The following FRY variants were observed in gnomAD, a reference collection of about 807,000 sequenced individuals.
FRY encodes protein furry homolog.
FRY carries 128 observed loss-of-function variants against 348.4 expected under a neutral mutation model. The observed-to-expected ratio is 0.37, with a 90% CI of 0.32 to 0.43. FRY has a LOEUF of 0.43. FRY is among the 20% of genes least tolerant of loss of function. The pLI, the probability that FRY is intolerant of heterozygous loss-of-function variation, is 1.00. For synonymous variants in FRY, 1,370 were observed against 1,374.7 expected (o/e 1.00, Z 0.08); for missense variants, 2,736 against 3,695.2 (o/e 0.74, Z 6.73).
intron 2 of FRY, among the ~76,000 whole-genome samples, chr13:32,088,684 C>A (rs964586973): frequency 1.4e-5 from 2 of 146,610 alleles, no homozygotes; most frequent in Admixed American, 6.9e-5. Context: ...TTTGATTGAA[C>A]CTTATAGCAA....
At chr13:32,052,695 A>C (rs1873400211) in intron 1 of FRY, among the ~76,000 whole-genome samples, 1 of 152,240 alleles carries the variant, frequency 6.6e-6, no homozygotes, top group Non-Finnish European at 1.5e-5. Flanking sequence ...TATTTAATAA[A>C]ATTTACAGTT....
intron 4 of FRY, among the ~76,000 whole-genome samples, chr13:32,118,097 A>G (rs565912806): frequency 5.3e-5 from 8 of 152,306 alleles, no homozygotes; most frequent in African/African-American, 1.9e-4. Flanking sequence ...CTCCAGGAGC[A>G]TATCAGCATC....
At chr13:32,042,207 A>G (rs565654665) in intron 1 of FRY, among the ~76,000 whole-genome samples, 3 of 152,272 alleles carry the variant, frequency 2.0e-5, no homozygotes, top group African/African-American at 7.2e-5. Flanking sequence ...AGGAGGGAAG[A>G]AAGGAAAAGA....
At chr13:32,186,232 T>C (rs765542352) in intron 26 of FRY, 28 bp from the exon 27 acceptor site, 2 of 1,575,806 alleles carry the variant, frequency 1.3e-6, no homozygotes, top group South Asian at 1.1e-5. Context: ...TCCAGTCTTA[T>C]AACCTCTAAG....
chr13:32,285,240 C>T (rs1388550197), intron 58 of FRY, among the ~76,000 whole-genome samples: 1 of 152,074 alleles, frequency 6.6e-6, no homozygotes. Flanking sequence ...AACATTAGAA[C>T]GGGACGGTGG....
chr13:32,220,998 T>G (rs1277577175), intron 36 of FRY, among the ~76,000 whole-genome samples: 1 of 152,202 alleles, frequency 6.6e-6, no homozygotes, highest in East Asian at 1.9e-4. Context: ...TGGCCAAGCT[T>G]CATGGCATAG....
At chr13:32,172,220 G>A (rs1882131544) in intron 18 of FRY, among the ~76,000 whole-genome samples, 1 of 152,100 alleles carries the variant, frequency 6.6e-6, no homozygotes, top group South Asian at 2.1e-4. Flanking sequence ...ATGTAAATGT[G>A]GATGTGATAG....
chr13:32,161,464 T>C (rs138169741), intron 17 of FRY, among the ~76,000 whole-genome samples: 8 of 152,222 alleles, frequency 5.3e-5, no homozygotes, highest in Non-Finnish European at 7.3e-5. Context: ...GTAAGGTCGC[T>C]AACAACCCAA....
rs920763704 is a variant in FRY, at chr13:32,185,177, A to G, written c.3319+29A>G. 3.1e-6 allele frequency: 5 copies of G among 1,603,844 alleles called. No individual in the cohort carries two copies. The Admixed American group carries it at 5.0e-5, about 16-fold the overall frequency. On this transcript the variant is annotated intron_variant, in intron 26 of 60. Coordinates refer to ENST00000542859, the MANE Select transcript of FRY (RefSeq NM_023037.3). ...CGGTGATCCGTTACAAGAAATTACC[A>G]TTCATGCTTGGAAGCCCATTCGTGT...
At chr13:32,166,451 C>T (rs1881743378) in intron 17 of FRY, among the ~76,000 whole-genome samples, 1 of 152,184 alleles carries the variant, frequency 6.6e-6, no homozygotes, top group African/African-American at 2.4e-5. Flanking sequence ...ATCTGTAGGC[C>T]AGCTCTACGC....
At chr13:32,118,870 C>T (rs934626205) in intron 4 of FRY, among the ~76,000 whole-genome samples, 6 of 151,948 alleles carry the variant, frequency 3.9e-5, no homozygotes, top group Non-Finnish European at 7.4e-5. Context: ...TTATTTTTTC[C>T]ATATTACATG....
At chr13:32,176,484 A>C (rs1022221174) in intron 20 of FRY, among the ~76,000 whole-genome samples, 4 of 152,206 alleles carry the variant, frequency 2.6e-5, no homozygotes, top group African/African-American at 9.7e-5. Context: ...GATTGAAAAC[A>C]GATTCCTATT....
chr13:32,236,347 AACAC>A (rs10617897), intron 43 of FRY, among the ~76,000 whole-genome samples, 175 bp downstream of exon 43: 74,701 of 151,090 alleles, frequency 0.49, 19,627 homozygotes, highest in African/African-American at 0.69. Flanking sequence ...AATACACACA[AACAC>A]ACACACACAC....
At chr13:32,278,404 A>G (rs1888644323) in intron 57 of FRY, 61 bp from the exon 58 acceptor site, 1 of 887,984 alleles carries the variant, frequency 1.1e-6, no homozygotes, top group East Asian at 2.4e-5. Context: ...ATGGAATTAT[A>G]CCAAAAATGT....
At chr13:32,170,445 T>C (rs1004882313) in intron 17 of FRY, among the ~76,000 whole-genome samples, 1 of 152,348 alleles carries the variant, frequency 6.6e-6, no homozygotes, top group Non-Finnish European at 1.5e-5. Context: ...GATGTTAACA[T>C]TAGGGGAGGC....
At chr13:32,100,658 A>G (rs1877095349) in intron 2 of FRY, among the ~76,000 whole-genome samples, 1 of 152,228 alleles carries the variant, frequency 6.6e-6, no homozygotes, top group Non-Finnish European at 1.5e-5. Flanking sequence ...GTTTTCAAGT[A>G]TACAATGTAT....
In FRY at chr13:32,198,205, T is replaced by C. The variant is rs1883796378; in HGVS notation, c.3747-3736T>C. Among the ~76,000 whole-genome samples, 3 of 152,238 alleles carry C rather than the reference T, an allele frequency of 2.0e-5. No homozygotes were observed. In the South Asian group the frequency reaches 6.2e-4, roughly 31 times the overall value. Reference sequence around the variant, plus strand: ...GATTACAAGGTCAAGTGCATGGCCCTGCCTAGTAAGAGGGAGGCTTTGTCT... The same window carrying C: ...GATTACAAGGTCAAGTGCATGGCCCCGCCTAGTAAGAGGGAGGCTTTGTCT... On this transcript the variant is annotated intron_variant, in intron 29 of 60. Coordinates refer to ENST00000542859, the MANE Select transcript of FRY (RefSeq NM_023037.3).
chr13:32,078,794 AT>A (rs774033624), intron 1 of FRY, 39 bp from the exon 2 acceptor site: 380 of 1,412,410 alleles, frequency 2.7e-4, no homozygotes, highest in Non-Finnish European at 3.4e-4. Context: ...TATTTATGAC[AT>A]TATTATCAGC....
At chr13:32,256,089 G>T (rs999846966) in intron 51 of FRY, among the ~76,000 whole-genome samples, 14 of 152,220 alleles carry the variant, frequency 9.2e-5, no homozygotes, top group African/African-American at 3.4e-4. Flanking sequence ...AATCTGGGAT[G>T]CCCGTTACTT....
Sources: allele counts gnomAD v4.1 joint callset (sites outside exome capture counted in the v4.1 genomes callset), GRCh38; gene constraint gnomAD v4.1.1; transcripts MANE v1.5; gene names NCBI Gene and HGNC (gene_info 2026-07-23, HGNC 2026-07-21).